The following EPAS1 variants were observed in gnomAD, a reference collection of about 807,000 sequenced individuals.
The protein encoded by EPAS1 is endothelial PAS domain protein 1, also known as endothelial PAS domain-containing protein 1.
Under a neutral mutation model 87.9 loss-of-function variants are expected in EPAS1, and 23 were observed. The observed-to-expected ratio is 0.26, with a 90% confidence interval of 0.19 to 0.37. EPAS1 has a LOEUF of 0.37. Among genes scored for constraint, EPAS1 ranks in the 10% least tolerant of loss-of-function variants. The pLI is 1.00. For missense variants in EPAS1, 1,138 were observed against 1,120.7 expected, an observed-to-expected ratio of 1.02 and a Z score of -0.22; for synonymous variants, 508 against 444.3, an observed-to-expected ratio of 1.14 and a Z score of -1.80.
rs112374225 is a variant in EPAS1 at position 46,307,677 on chromosome 2, T to C, written c.26+9740T>C. ...TGGGCACTGTGTGGTCCCCTGACTC[T>C]CTGGAGTCTTCCAGAGTTCCATGGA... On this transcript the variant is annotated intron_variant, in intron 1 of 15. Coordinates refer to ENST00000263734, the MANE Select transcript of EPAS1 (RefSeq NM_001430.5). 7.4e-3 allele frequency among the ~76,000 whole-genome samples: 1,130 copies of C among 152,260 alleles called. 14 individuals carry two copies. The highest frequency in any genetic ancestry group is 0.026 in the African/African-American group (1,075 of 41,536).
chr2:46,363,152 T>G (rs1348907231), intron 6 of EPAS1, among the ~76,000 whole-genome samples: 1 of 152,238 alleles, frequency 6.6e-6, no homozygotes, highest in African/African-American at 2.4e-5. Flanking sequence ...AGACACAGCT[T>G]TGTGTACCTC....
chr2:46,367,771 T>C (rs1271298191), intron 6 of EPAS1, among the ~76,000 whole-genome samples: 1 of 152,218 alleles, frequency 6.6e-6, no homozygotes, highest in Non-Finnish European at 1.5e-5. Context: ...AGCTGCTCCT[T>C]GTTTGACAAA....
rs1285157326 is a variant in EPAS1 at position 46,382,182 on chromosome 2, C to T, written c.2287+93C>T. 8.2e-6 allele frequency: 10 copies of T among 1,218,776 alleles called. No homozygotes were observed. In the African/African-American group the frequency reaches 1.0e-4, roughly 13 times the overall value. 75.5% of individuals were successfully genotyped at this position (1,218,776 alleles called of 1,614,324 possible). ...TCCTGGTTCTTCCATTCACCACAGG[C>T]CGTACCTGCCTCTCTGAGCCTTGTT... On this transcript the variant is annotated intron_variant, in intron 14 of 15. Transcript: ENST00000263734.
chr2:46,339,730 CAG>C (rs1329245806), intron 1 of EPAS1, among the ~76,000 whole-genome samples: 2 of 152,204 alleles, frequency 1.3e-5, no homozygotes, highest in African/African-American at 4.8e-5. Flanking sequence ...TTATAAACAA[CAG>C]AGTTTCATTT....
chr2:46,377,311 C>T (rs1684774871), intron 9 of EPAS1, among the ~76,000 whole-genome samples: 2 of 152,336 alleles, frequency 1.3e-5, no homozygotes, highest in Middle Eastern at 3.4e-3. Flanking sequence ...GCAGGGTTTT[C>T]AGCCCTCGGC....
At chr2:46,345,750 T>C (rs957471039) in intron 1 of EPAS1, among the ~76,000 whole-genome samples, 2 of 152,236 alleles carry the variant, frequency 1.3e-5, no homozygotes, top group African/African-American at 4.8e-5. Flanking sequence ...GGAAGTATTA[T>C]GTATAATACA....
intron 1 of EPAS1, among the ~76,000 whole-genome samples, chr2:46,331,991 G>A (rs896592920): frequency 6.6e-6 from 1 of 152,170 alleles, no homozygotes; most frequent in African/African-American, 2.4e-5. Context: ...ACCTGCCTGC[G>A]TGTTATACAA....
In EPAS1 at chr2:46,381,580, C is replaced by T. The variant is rs759121594; in HGVS notation, c.2046-16C>T. 3.7e-6 allele frequency: 6 copies of T among 1,613,840 alleles called. No individual in the cohort carries two copies. In the South Asian group the frequency reaches 6.6e-5, roughly 18 times the overall value. On this transcript the variant is annotated splice_polypyrimidine_tract_variant and intron_variant, in intron 12 of 15. Coordinates refer to ENST00000263734, the MANE Select transcript of EPAS1 (RefSeq NM_001430.5). ...GCTCCAGACTCCCTCATAGCCTGCT[C>T]TCTCGGGCTTGGCAGGTCTGCAAAG...
intron 1 of EPAS1, among the ~76,000 whole-genome samples, chr2:46,315,556 TGA>T (rs1002937187): frequency 2.7e-4 from 41 of 152,358 alleles, no homozygotes; most frequent in African/African-American, 9.6e-4. Flanking sequence ...TCGGCCCCAC[TGA>T]GCAAAGTCTG....
Position 46,347,024 on chromosome 2 carries a change from G to T in EPAS1, c.178G>T (p.Ala60Ser). The part of the protein sequence containing the change: ...HLDKASIMRL[A>S]ISFLRTHKLL... ...GGACAAGGCCTCCATCATGCGACTG[G>T]CAATCAGCTTCCTGCGAACACACAA... Residue 60 changes from alanine to serine, a missense_variant, in exon 2 of 16, where the codon GCA becomes TCA. By Grantham distance (99) the Ala-to-Ser change is moderately conservative. Transcript: ENST00000263734. This position sits in a 1 kb window ranked among gnomAD's most constrained non-coding sequence, Gnocchi z 4.2. The T allele has an allele frequency of 6.2e-7, 1 of 1,614,192 alleles. No homozygotes were observed. The highest frequency in any genetic ancestry group is 8.5e-7 in the Non-Finnish European group (1 of 1,180,032).
chr2:46,332,346 T>C (rs1683701744), intron 1 of EPAS1, among the ~76,000 whole-genome samples: 1 of 149,440 alleles, frequency 6.7e-6, no homozygotes, highest in Non-Finnish European at 1.5e-5. Flanking sequence ...CAACTTGTTT[T>C]CTCTTTGGCT....
intron 1 of EPAS1, among the ~76,000 whole-genome samples, chr2:46,331,824 A>T (rs1433300512): frequency 6.6e-6 from 1 of 152,074 alleles, no homozygotes; most frequent in Non-Finnish European, 1.5e-5. Flanking sequence ...CACTCACTCT[A>T]ATCTTCTAAA....
chr2:46,359,257 CAAAA>C lies in EPAS1; in HGVS notation c.455-1360_455-1357del, dbSNP rs57351888. ...CTGGCGACAGAGCAAGATTCTGTCT[CAAAA>C]AAAAAAAAAAAAAAAAAAAAGATCA... On this transcript the variant is annotated intron_variant, in intron 4 of 15. Transcript: ENST00000263734. 1.2e-3 allele frequency among the ~76,000 whole-genome samples: 31 copies of C among 25,090 alleles called. 2 individuals are homozygous for C. The highest frequency in any genetic ancestry group is 3.0e-3 in the African/African-American group (15 of 5,058). The allele number at this position is 25,090 out of a possible 152,430, so 16.5% of individuals were successfully genotyped here. A position where few individuals can be genotyped will look rare whatever the true frequency, so the allele number is the denominator to read the frequency against.
chr2:46,314,901 CA>C (rs991614448), intron 1 of EPAS1, among the ~76,000 whole-genome samples: 8 of 152,140 alleles, frequency 5.3e-5, no homozygotes, highest in African/African-American at 1.9e-4. Flanking sequence ...GTGGGCTGCC[CA>C]GTGGTTTCTA....
intron 4 of EPAS1, among the ~76,000 whole-genome samples, chr2:46,359,029 G>A (rs932193917): frequency 5.9e-5 from 9 of 152,002 alleles, no homozygotes; most frequent in Non-Finnish European, 1.2e-4. Flanking sequence ...CGGAGGCCAA[G>A]GTGGGTGGAT....
At chr2:46,373,385 A>C (rs886775445) in intron 7 of EPAS1, among the ~76,000 whole-genome samples, 1 of 152,228 alleles carries the variant, frequency 6.6e-6, no homozygotes, top group Non-Finnish European at 1.5e-5. Flanking sequence ...TCAAACATCC[A>C]TCAACAGGCA....
intron 1 of EPAS1, among the ~76,000 whole-genome samples, chr2:46,302,354 G>T (rs1193100739): frequency 6.6e-6 from 1 of 151,808 alleles, no homozygotes; most frequent in Non-Finnish European, 1.5e-5. Context: ...GTTTTTTGGG[G>T]GTTTTGTTTT....
chr2:46,378,007 C>T lies in EPAS1; in HGVS notation c.1363C>T (p.Pro455Ser), dbSNP rs2103667465. The T allele has an allele frequency of 1.9e-6, 3 of 1,596,926 alleles. No individual in the cohort carries two copies. The highest frequency in any genetic ancestry group is 1.8e-4 in the Middle Eastern group (1 of 5,698). ...HSTQSEAGSL[P>S]AFTVPQAAAP... ...CACCCAGAGCGAGGCTGGGAGCCTGCCTGCCTTCACCGTGCCCCAGGCAGC... is the reference window on the plus strand; with the variant it reads ...CACCCAGAGCGAGGCTGGGAGCCTGTCTGCCTTCACCGTGCCCCAGGCAGC... The change falls in exon 10 of 16, where the codon CCT becomes TCT. Residue 455 changes from proline (P) to serine (S), a missense_variant. Physicochemically the swap from Pro to Ser is moderately conservative, Grantham distance 74. Transcript: ENST00000263734.
At chr2:46,378,619 A>G in intron 10 of EPAS1, 38 bp from the exon 11 acceptor site, 6 of 1,573,776 alleles carry the variant, frequency 3.8e-6, no homozygotes, top group South Asian at 1.1e-5. Context: ...GACCAGTGCC[A>G]TATCTTTGAC....
Sources: allele counts gnomAD v4.1 joint callset (sites outside exome capture counted in the v4.1 genomes callset), GRCh38; gene constraint gnomAD v4.1.1; non-coding constraint Gnocchi (gnomAD v3.1); transcripts MANE v1.5; gene names NCBI Gene and HGNC (gene_info 2026-07-23, HGNC 2026-07-21).